INPP5A: variants seen among roughly 807,000 people sequenced by gnomAD.
The protein encoded by INPP5A is 43 kDa inositol polyphosphate 5-phophatase.
Under a neutral mutation model 65.2 loss-of-function variants are expected in INPP5A, and 14 were observed. The observed-to-expected ratio is 0.21, with a 90% CI of 0.14 to 0.34. The LOEUF is 0.34. INPP5A is among the 10% of genes least tolerant of loss of function. The pLI, the probability that INPP5A is intolerant of heterozygous loss-of-function variation, is 1.00. For synonymous variants in INPP5A, 207 were observed against 208.3 expected, an observed-to-expected ratio of 0.99 and a Z score of 0.05; for missense variants, 431 against 545.6, an observed-to-expected ratio of 0.79 and a Z score of 2.09.
At chr10:132,584,471 T>C (rs1271279615) in intron 1 of INPP5A, among the ~76,000 whole-genome samples, 1 of 152,236 alleles carries the variant, frequency 6.6e-6, no homozygotes, top group African/African-American at 2.4e-5. Context: ...TAAATATATT[T>C]TAAATTTATT....
chr10:132,764,743 G>A, intron 11 of INPP5A, among the ~76,000 whole-genome samples: 1 of 136,286 alleles, frequency 7.3e-6, no homozygotes, highest in Non-Finnish European at 1.6e-5. Flanking sequence ...AACACGGTCG[G>A]GCCAGTCCTG....
At position 132,577,239 on chromosome 10, in the gene INPP5A, C is replaced by T. The variant is rs376904811; in HGVS notation, c.76-30676C>T. 3.3e-4 allele frequency among the ~76,000 whole-genome samples: 50 copies of T among 152,312 alleles called. No homozygotes were observed. The South Asian group carries it at 9.9e-3, about 30-fold the overall frequency. ...TGGGTTGCTCCCCCCCGGCACGCCG[C>T]CCGTGGTGCATCACGTTCTGTTGCA... On this transcript the variant is annotated intron_variant, in intron 1 of 15. Transcript: ENST00000368594.
chr10:132,767,538 C>A (rs1414925595), intron 12 of INPP5A, among the ~76,000 whole-genome samples: 1 of 152,202 alleles, frequency 6.6e-6, no homozygotes, highest in Non-Finnish European at 1.5e-5. Context: ...ACCGAGGCTC[C>A]CTGCCAGGCA....
Position 132,741,599 on chromosome 10 carries a change from C to A in INPP5A, c.733-7918C>A, listed in dbSNP as rs1418292754. On this transcript the variant is annotated intron_variant, in intron 9 of 15. Transcript: ENST00000368594. The surrounding 1 kb of genome is among the most constrained non-coding windows in gnomAD (Gnocchi z 4.4). ...ATGAAGGTGGAGGCTGCTGTCCACT[C>A]TGCAGAACCCCGGCCCTCGTCACAC... Among the ~76,000 whole-genome samples the A allele has an allele frequency of 6.6e-6, 1 of 152,178 alleles. No homozygotes were observed. The highest frequency in any genetic ancestry group is 2.4e-5 in the African/African-American group (1 of 41,438).
intron 1 of INPP5A, among the ~76,000 whole-genome samples, chr10:132,596,924 C>CGCATGTGCACGCATGTGT (rs1405104651): frequency 0.21 from 4,761 of 22,756 alleles, 237 homozygotes; most frequent in Middle Eastern, 0.29. Context: ...CATGTGTGCG[C>CGCATGTGCACGCATGTGT]GCATGTGCAC....
At position 132,698,056 on chromosome 10, in the gene INPP5A, C is replaced by G. The variant is rs1436141843; in HGVS notation, c.474+137C>G. On this transcript the variant is annotated intron_variant, in intron 6 of 15. Transcript: ENST00000368594. This position sits in a 1 kb window ranked among gnomAD's most constrained non-coding sequence, Gnocchi z 5.5. The stretch of plus-strand genomic sequence containing the variant: ...TTGTTACCTCCGATAATCTGTCTTC[C>G]TGGGAGTCCAGGCTTCTGTGGTTGG... 1.5e-6 allele frequency: 1 copy of G among 663,670 alleles called. No homozygotes were observed. The highest frequency in any genetic ancestry group is 2.7e-6 in the Non-Finnish European group (1 of 364,214). The allele number at this position is 663,670 out of a possible 1,614,324, so 41.1% of individuals were successfully genotyped here.
chr10:132,558,281 G>A (rs920019827), intron 1 of INPP5A, among the ~76,000 whole-genome samples: 3 of 152,154 alleles, frequency 2.0e-5, no homozygotes, highest in East Asian at 1.9e-4. Flanking sequence ...CCCGGCCCAC[G>A]CGCTGAGCAC....
At chr10:132,633,145 C>T (rs2072296469) in intron 2 of INPP5A, among the ~76,000 whole-genome samples, 1 of 152,142 alleles carries the variant, frequency 6.6e-6, no homozygotes, top group Non-Finnish European at 1.5e-5. Context: ...TCCCTGGCTG[C>T]CTTTTGTGGT....
chr10:132,639,207 C>A (rs1345420425), intron 2 of INPP5A, among the ~76,000 whole-genome samples: 1 of 152,178 alleles, frequency 6.6e-6, no homozygotes, highest in East Asian at 1.9e-4. Flanking sequence ...TCCAGCAGAC[C>A]TGCTGGTGGA....
At chr10:132,739,537 C>T (rs1419344113) in intron 9 of INPP5A, among the ~76,000 whole-genome samples, 1 of 152,202 alleles carries the variant, frequency 6.6e-6, no homozygotes, top group African/African-American at 2.4e-5. Context: ...TCCTAGTAGC[C>T]ACCAGCATAC....
At chr10:132,714,796 TG>T (rs1297278498) in intron 8 of INPP5A, among the ~76,000 whole-genome samples, 1 of 152,206 alleles carries the variant, frequency 6.6e-6, no homozygotes, top group African/African-American at 2.4e-5. Context: ...GCGGGGTGCC[TG>T]CCACCACCAC....
At chr10:132,708,759 A>G (rs1251000651) in intron 7 of INPP5A, among the ~76,000 whole-genome samples, 1 of 152,226 alleles carries the variant, frequency 6.6e-6, no homozygotes, top group African/African-American at 2.4e-5. Flanking sequence ...CAGCAGACTG[A>G]GCACAGACGT....
intron 11 of INPP5A, among the ~76,000 whole-genome samples, chr10:132,760,578 G>C (rs1051457562): frequency 6.6e-6 from 1 of 152,236 alleles, no homozygotes; most frequent in African/African-American, 2.4e-5. Flanking sequence ...ACGTGGCATC[G>C]GAGGGCCCCA....
At chr10:132,660,715 G>A (rs947327859) in intron 4 of INPP5A, among the ~76,000 whole-genome samples, 1 of 152,172 alleles carries the variant, frequency 6.6e-6, no homozygotes, top group Non-Finnish European at 1.5e-5. Flanking sequence ...AAATTTGAAT[G>A]TGATTAGGTA....
intron 1 of INPP5A, among the ~76,000 whole-genome samples, chr10:132,591,257 G>T (rs1416136778): frequency 6.6e-6 from 1 of 151,580 alleles, no homozygotes; most frequent in East Asian, 1.9e-4. Context: ...TTTAAAAAAA[G>T]TTAGAGTTGA....
At position 132,545,014 on chromosome 10, in the gene INPP5A, T is replaced by C. The variant is rs1304488691; in HGVS notation, c.75+6843T>C. On this transcript the variant is annotated intron_variant, in intron 1 of 15. Transcript: ENST00000368594. This position sits in a 1 kb window ranked among gnomAD's most constrained non-coding sequence, Gnocchi z 4.6. ...ACCCAGATCGACCTGTCGGGCAGTGTTGGGAGAATGTCTGCACGTAGGCGT... is the reference window on the plus strand; with the variant it reads ...ACCCAGATCGACCTGTCGGGCAGTGCTGGGAGAATGTCTGCACGTAGGCGT... 6.6e-6 allele frequency among the ~76,000 whole-genome samples: 1 copy of C among 152,162 alleles called. No individual in the cohort carries two copies. The highest frequency in any genetic ancestry group is 2.4e-5 in the African/African-American group (1 of 41,416).
At chr10:132,582,135 G>A (rs2071491997) in intron 1 of INPP5A, among the ~76,000 whole-genome samples, 2 of 151,980 alleles carry the variant, frequency 1.3e-5, no homozygotes, top group South Asian at 2.1e-4. Flanking sequence ...CACTGCGCCC[G>A]GCCTCATTTT....
Position 132,616,078 on chromosome 10 carries a change from G to A in INPP5A, c.117+8122G>A, listed in dbSNP as rs779134397. 5.9e-5 allele frequency among the ~76,000 whole-genome samples: 9 copies of A among 152,146 alleles called. No homozygotes were observed. Among genetic ancestry groups the A allele is most frequent in the Admixed American group, 2.0e-4 (3 of 15,290 alleles). On this transcript the variant is annotated intron_variant, in intron 2 of 15. Transcript: ENST00000368594. The surrounding 1 kb of genome is among the most constrained non-coding windows in gnomAD (Gnocchi z 4.9). Reference sequence around the variant, plus strand: ...GCGGTGAGGGATGGTCGTGTGCGTCGTTTTAGGAGCATGTGTGTGAGCGTG... The same window carrying A: ...GCGGTGAGGGATGGTCGTGTGCGTCATTTTAGGAGCATGTGTGTGAGCGTG...
chr10:132,711,603 C>G (rs1205355297), intron 8 of INPP5A, among the ~76,000 whole-genome samples: 1 of 152,178 alleles, frequency 6.6e-6, no homozygotes, highest in African/African-American at 2.4e-5. Flanking sequence ...GTGCAGAATG[C>G]GGAGTTACAC....
Sources: allele counts gnomAD v4.1 joint callset (sites outside exome capture counted in the v4.1 genomes callset), GRCh38; gene constraint gnomAD v4.1.1; non-coding constraint Gnocchi (gnomAD v3.1); transcripts MANE v1.5; gene names NCBI Gene and HGNC (gene_info 2026-07-23, HGNC 2026-07-21).